FOXP1: variants seen among roughly 807,000 people sequenced by gnomAD.
FOXP1 encodes forkhead box P1, also known as forkhead box protein P1.
Under a neutral mutation model 98.2 loss-of-function variants are expected in FOXP1, and 15 were observed. The ratio of observed to expected loss-of-function variants is 0.15; its 90% CI spans 0.10 to 0.24. The LOEUF (loss-of-function observed/expected upper bound fraction) is 0.24, where lower values mean the gene tolerates loss of function less well. FOXP1 is among the 10% of genes least tolerant of loss of function. The probability of loss-of-function intolerance (pLI) is 1.00; values close to 1 mark genes in which losing one functional copy is unlikely to be tolerated. For synonymous variants in FOXP1, 371 were observed against 314.5 expected, an observed-to-expected ratio of 1.18 and a Z score of -1.90; for missense variants, 633 against 848.5, an observed-to-expected ratio of 0.75 and a Z score of 3.15.
chr3:71,130,365 G>C, intron 6 of FOXP1: 1 of 821,262 alleles, frequency 1.2e-6, no homozygotes, highest in Non-Finnish European at 1.9e-6. Flanking sequence ...GAGGAGGGAA[G>C]GGGGAGGAAA....
At chr3:71,162,438 T>C (rs1157203329) in intron 6 of FOXP1, among the ~76,000 whole-genome samples, 2 of 152,240 alleles carry the variant, frequency 1.3e-5, no homozygotes, top group Admixed American at 6.5e-5. Context: ...GAAGTTTTAT[T>C]CTGACTGAAG....
At chr3:71,033,602 C>A (rs1263094572) in intron 11 of FOXP1, among the ~76,000 whole-genome samples, 13 of 70,678 alleles carry the variant, frequency 1.8e-4, no homozygotes, top group Non-Finnish European at 4.0e-4. Context: ...AGTGAACAGT[C>A]AAAAAAAAAA....
chr3:71,456,512 AG>A (rs1449603696), intron 3 of FOXP1, among the ~76,000 whole-genome samples: 1 of 152,150 alleles, frequency 6.6e-6, no homozygotes, highest in African/African-American at 2.4e-5. Context: ...GTTCCCCTTG[AG>A]GGTCAGCCCT....
chr3:71,267,784 G>A (rs1576670080), intron 5 of FOXP1, among the ~76,000 whole-genome samples: 3 of 152,200 alleles, frequency 2.0e-5, no homozygotes, highest in Middle Eastern at 3.4e-3. Context: ...TCTGGAGGCC[G>A]AGGCAGGCAG....
At chr3:71,375,136 C>A (rs1451559778) in intron 3 of FOXP1, among the ~76,000 whole-genome samples, 3 of 152,160 alleles carry the variant, frequency 2.0e-5, no homozygotes, top group Admixed American at 2.0e-4. Flanking sequence ...AATCTGTTAC[C>A]AGTTCAGTAG....
At chr3:71,054,998 A>G (rs1482150623) in intron 7 of FOXP1, among the ~76,000 whole-genome samples, 5 of 152,186 alleles carry the variant, frequency 3.3e-5, no homozygotes, top group Non-Finnish European at 7.4e-5. Context: ...GGCAGACAAT[A>G]GCTGATCAGA....
intron 5 of FOXP1, among the ~76,000 whole-genome samples, chr3:71,280,379 G>A (rs2071407382): frequency 6.6e-6 from 1 of 150,484 alleles, no homozygotes; most frequent in South Asian, 2.1e-4. Flanking sequence ...GGAGTGCAGT[G>A]GTGCGATCTC....
At chr3:71,334,225 T>C (rs558849669) in intron 4 of FOXP1, 38 of 152,318 alleles carry the variant, frequency 2.5e-4, no homozygotes, top group Non-Finnish European at 4.3e-4. Context: ...CTGGTCAACA[T>C]GGCGAAATTC....
At chr3:71,507,740 G>A (rs2041928690) in intron 2 of FOXP1, among the ~76,000 whole-genome samples, 1 of 152,082 alleles carries the variant, frequency 6.6e-6, no homozygotes, top group African/African-American at 2.4e-5. Context: ...ACCATGCCCG[G>A]CTAATTTTTT....
rs148957478 is a variant in FOXP1 at position 71,457,877 on chromosome 3, G to A, written c.-168+35549C>T. ...TCTTCCTTTTAGCAAAACACACTCC[G>A]CTTCCCAGTGCCCAACATGGGGGCA... is the stretch of plus-strand genomic sequence containing the variant. On this transcript the variant is annotated intron_variant, in intron 3 of 20. Transcript: ENST00000649528. Among the ~76,000 whole-genome samples the A allele has an allele frequency of 7.8e-4, 118 of 152,170 alleles. 1 individual carries two copies. The highest frequency in any genetic ancestry group is 2.3e-3 in the South Asian group (11 of 4,818).
intron 5 of FOXP1, among the ~76,000 whole-genome samples, chr3:71,253,801 T>C (rs2068414796): frequency 6.6e-6 from 1 of 152,176 alleles, no homozygotes; most frequent in East Asian, 1.9e-4. Flanking sequence ...AAAAAGTATG[T>C]ACCCGTTAAA....
At chr3:71,245,601 T>C (rs942886588) in intron 5 of FOXP1, among the ~76,000 whole-genome samples, 4 of 124,702 alleles carry the variant, frequency 3.2e-5, no homozygotes, top group African/African-American at 1.2e-4. Flanking sequence ...TTAAAATTAC[T>C]TGGTCATTTA....
chr3:70,961,121 T>C lies in FOXP1; in HGVS notation c.1890-1730A>G, dbSNP rs905790200. ...TGCTGGGATTACAGGCGTGAGCCACTGCGCCCGGCTGCTAAAAAAATAATT... is the reference window on the plus strand; with the variant it reads ...TGCTGGGATTACAGGCGTGAGCCACCGCGCCCGGCTGCTAAAAAAATAATT... On this transcript the variant is annotated intron_variant, in intron 20 of 20. Coordinates refer to ENST00000649528, the MANE Select transcript of FOXP1 (RefSeq NM_001349338.3). Among the ~76,000 whole-genome samples, 11 of 148,570 alleles carry C rather than the reference T, an allele frequency of 7.4e-5. 1 individual carries two copies. In the East Asian group the frequency reaches 1.3e-3, roughly 17 times the overall value.
chr3:71,503,822 G>A (rs1160213100), intron 2 of FOXP1, among the ~76,000 whole-genome samples: 1 of 152,128 alleles, frequency 6.6e-6, no homozygotes, highest in East Asian at 1.9e-4. Context: ...AAGTAGCCTT[G>A]TTTTCCAAGG....
intron 7 of FOXP1, among the ~76,000 whole-genome samples, chr3:71,070,282 G>A (rs1410076341): frequency 6.6e-6 from 1 of 152,164 alleles, no homozygotes; most frequent in African/African-American, 2.4e-5. Flanking sequence ...GCAGGGGAGT[G>A]CCAAACTCGA....
intron 2 of FOXP1, among the ~76,000 whole-genome samples, chr3:71,497,909 G>A (rs1288283841): frequency 2.0e-5 from 3 of 152,306 alleles, no homozygotes; most frequent in South Asian, 2.1e-4. Context: ...GAGAAAAGCC[G>A]AGAAGTGCTG....
chr3:71,579,639 T>C (rs905650809), intron 2 of FOXP1, among the ~76,000 whole-genome samples: 5 of 148,820 alleles, frequency 3.4e-5, no homozygotes, highest in East Asian at 1.9e-4. Flanking sequence ...TTTCTTTTTT[T>C]TTTTTTTTTT....
At chr3:71,047,996 A>G (rs1178208721) in intron 9 of FOXP1, among the ~76,000 whole-genome samples, 3 of 152,248 alleles carry the variant, frequency 2.0e-5, no homozygotes, top group Admixed American at 6.5e-5. Context: ...AGTGATAGAA[A>G]GATAATACAG....
chr3:71,429,756 G>A (rs1043452641), intron 3 of FOXP1, among the ~76,000 whole-genome samples: 4 of 152,138 alleles, frequency 2.6e-5, no homozygotes, highest in African/African-American at 9.7e-5. Flanking sequence ...TCGTCTTCAA[G>A]AATCACCGTC....
Sources: gnomAD v4.1 joint callset for allele counts (sites outside exome capture counted in the v4.1 genomes callset) on GRCh38, gnomAD v4.1.1 for gene constraint, MANE v1.5 for transcripts, NCBI Gene and HGNC (gene_info 2026-07-23, HGNC 2026-07-21) for gene names.